CCDC3: variants seen among roughly 807,000 people sequenced by gnomAD.
CCDC3 encodes the protein coiled-coil domain-containing protein 3.
CCDC3 carries 24 observed loss-of-function variants against 21.4 expected under a neutral mutation model. That is an observed-to-expected ratio of 1.12 (90% CI 0.81 to 1.58). The LOEUF is 1.58. Ranked by LOEUF, CCDC3 falls within the 40% of genes most tolerant of loss-of-function variation. The pLI is 0.00. For missense variants in CCDC3, 425 were observed against 360.9 expected, an observed-to-expected ratio of 1.18 and a Z score of -1.44; for synonymous variants, 186 against 166.0, an observed-to-expected ratio of 1.12 and a Z score of -0.93.
At chr10:13,045,829 G>T (rs1476162321) in intron 5 of CCDC3, among the ~76,000 whole-genome samples, 1 of 152,102 alleles carries the variant, frequency 6.6e-6, no homozygotes, top group Non-Finnish European at 1.5e-5. Flanking sequence ...AGCAGCTCAC[G>T]CCTGTAATCC....
At chr10:12,945,423 A>T (rs1315423914) in intron 2 of CCDC3, among the ~76,000 whole-genome samples, 1 of 152,156 alleles carries the variant, frequency 6.6e-6, no homozygotes, top group African/African-American at 2.4e-5. Context: ...TAGGGAAAAA[A>T]AAAACCCCGA....
chr10:12,928,403 T>G (rs1834580626), intron 2 of CCDC3, among the ~76,000 whole-genome samples: 1 of 152,190 alleles, frequency 6.6e-6, no homozygotes. Flanking sequence ...TCTGTTAAAT[T>G]TCCCTCCAAC....
At chr10:12,950,651 C>T (rs1322809122) in intron 2 of CCDC3, among the ~76,000 whole-genome samples, 1 of 152,216 alleles carries the variant, frequency 6.6e-6, no homozygotes, top group Non-Finnish European at 1.5e-5. Context: ...TTGACTTCCT[C>T]TCCTGTATAC....
At chr10:13,005,010 T>C (rs1237924612), upstream of CCDC3, among the ~76,000 whole-genome samples, 1 of 152,192 alleles carries the variant, frequency 6.6e-6, no homozygotes, top group Non-Finnish European at 1.5e-5. Context: ...GTCATCAATC[T>C]TCTGATCCTA....
intron 2 of CCDC3, among the ~76,000 whole-genome samples, chr10:12,973,292 C>T (rs926745159): frequency 1.3e-5 from 2 of 152,118 alleles, no homozygotes; most frequent in Non-Finnish European, 1.5e-5. Flanking sequence ...CACCCAGCCA[C>T]GTGTCCCAGG....
At chr10:12,934,971 C>T (rs532294265) in intron 2 of CCDC3, among the ~76,000 whole-genome samples, 2 of 152,078 alleles carry the variant, frequency 1.3e-5, no homozygotes, top group South Asian at 4.1e-4. Flanking sequence ...TTGGTGCAAT[C>T]ATGACTCACT....
At chr10:12,942,554 C>T (rs1025348753) in intron 2 of CCDC3, among the ~76,000 whole-genome samples, 5 of 152,140 alleles carry the variant, frequency 3.3e-5, no homozygotes, top group South Asian at 4.2e-4. Flanking sequence ...TCAACATGGA[C>T]GCCCTATCTT....
rs74384067 is a variant in CCDC3 at position 12,919,733 on chromosome 10, C to A, written c.550-21054G>T. 9.9e-3 allele frequency among the ~76,000 whole-genome samples: 1,500 copies of A among 152,142 alleles called. 22 individuals are homozygous for A. The highest frequency in any genetic ancestry group is 0.034 in the African/African-American group (1,411 of 41,508). On this transcript the variant is annotated intron_variant, in intron 2 of 2. Transcript: ENST00000378825. The stretch of plus-strand genomic sequence containing the variant: ...TTCCATGCTCAGCACAGACTTGTGG[C>A]CCCACAGAGTGCCCGGGGTGGGTGG...
Position 12,951,804 on chromosome 10 carries a change from CAAAAAAAAAA to C in CCDC3, c.549+46524_549+46533del, listed in dbSNP as rs71924811. Among the ~76,000 whole-genome samples the C allele has an allele frequency of 8.3e-5, 5 of 60,492 alleles. No individual in the cohort carries two copies. The South Asian group carries it at 3.0e-3, about 37-fold the overall frequency. 39.7% of individuals were successfully genotyped at this position (60,492 alleles called of 152,430 possible). ...TGGACAACAGAGTGAGACTTCATCT[CAAAAAAAAAA>C]AAAAAAAAAAAAAGTTGTTCTTTGT... is the stretch of plus-strand genomic sequence containing the variant. On this transcript the variant is annotated intron_variant, in intron 2 of 2. Transcript: ENST00000378825.
chr10:12,916,235 C>A (rs112381059), intron 2 of CCDC3, among the ~76,000 whole-genome samples: 15 of 152,210 alleles, frequency 9.9e-5, no homozygotes, highest in East Asian at 3.9e-4. Context: ...CGATTGAGAC[C>A]AGCCTGGCCA....
At chr10:12,971,522 C>CAG (rs1835343204) in intron 2 of CCDC3, among the ~76,000 whole-genome samples, 1 of 152,138 alleles carries the variant, frequency 6.6e-6, no homozygotes, top group South Asian at 2.1e-4. Context: ...TCCTGAATGT[C>CAG]AGCTCCTGGC....
intron 5 of CCDC3, among the ~76,000 whole-genome samples, chr10:13,042,159 C>T (rs1401584165): frequency 2.0e-5 from 3 of 152,200 alleles, no homozygotes; most frequent in Non-Finnish European, 4.4e-5. Context: ...TGTGTGATCC[C>T]GTGCAAATCA....
At chr10:12,959,163 C>A (rs1208766680) in intron 2 of CCDC3, among the ~76,000 whole-genome samples, 2 of 131,032 alleles carry the variant, frequency 1.5e-5, no homozygotes, top group African/African-American at 5.4e-5. Context: ...CATCATTTCA[C>A]AAGCTACAAT....
upstream of CCDC3, among the ~76,000 whole-genome samples, chr10:13,005,958 C>G (rs1835919227): frequency 6.6e-6 from 1 of 152,176 alleles, no homozygotes; most frequent in Non-Finnish European, 1.5e-5. Flanking sequence ...TTCCTTTTGC[C>G]TTGGAGGAGT....
intron 2 of CCDC3, among the ~76,000 whole-genome samples, chr10:12,920,821 T>C (rs1589005859): frequency 6.6e-6 from 1 of 152,120 alleles, no homozygotes; most frequent in Admixed American, 6.5e-5. Context: ...GGAGCTTGAA[T>C]TGGAAATCAG....
At chr10:12,906,762 T>C (rs1332391403) in intron 2 of CCDC3, among the ~76,000 whole-genome samples, 1 of 152,006 alleles carries the variant, frequency 6.6e-6, no homozygotes, top group Non-Finnish European at 1.5e-5. Flanking sequence ...TGAAATCAGA[T>C]GATAAGGGTA....
chr10:13,011,335 A>G lies in CCDC3; in HGVS notation c.-1-12823T>C, dbSNP rs117291328. Among the ~76,000 whole-genome samples the G allele has an allele frequency of 4.6e-4, 70 of 152,348 alleles. No individual in the cohort carries two copies. In the East Asian group the frequency reaches 0.012, roughly 26 times the overall value. ...TCTTGAGCTGATAAGCAACTTCAGC[A>G]AAGTTTTAAGGTACAAAATCAGTGT... is the stretch of plus-strand genomic sequence containing the variant. On this transcript the variant is annotated intron_variant, in intron 5 of 6. Coordinates refer to the CCDC3 transcript ENST00000378839.
At chr10:13,074,755 T>C (rs1217430887) in intron 3 of CCDC3, among the ~76,000 whole-genome samples, 1 of 152,194 alleles carries the variant, frequency 6.6e-6, no homozygotes, top group African/African-American at 2.4e-5. Context: ...CAAGTCTGGG[T>C]GCTGTTTTAC....
At chr10:13,021,378 T>A (rs1836142733) in intron 5 of CCDC3, among the ~76,000 whole-genome samples, 1 of 152,150 alleles carries the variant, frequency 6.6e-6, no homozygotes, top group South Asian at 2.1e-4. Flanking sequence ...TAAAGTCAAC[T>A]CTCTCCTTGT....
Sources: gnomAD v4.1 joint callset for allele counts (sites outside exome capture counted in the v4.1 genomes callset) on GRCh38, gnomAD v4.1.1 for gene constraint, MANE v1.5 for transcripts, NCBI Gene and HGNC (gene_info 2026-07-23, HGNC 2026-07-21) for gene names.